Variants in CCDC97 observed in about 807,000 individuals in gnomAD.
CCDC97 encodes coiled-coil domain-containing protein 97.
A neutral mutation model predicts 33.9 loss-of-function variants in CCDC97; 27 were observed. That is an observed-to-expected ratio of 0.80 (90% CI 0.59 to 1.10). CCDC97 has a LOEUF of 1.10. Ranked by LOEUF, CCDC97 falls within the 50% of genes least tolerant of loss-of-function variation. CCDC97 has a pLI of 0.00. For missense variants in CCDC97, 422 were observed against 476.6 expected (o/e 0.89, Z 1.07); for synonymous variants, 217 against 194.0 (o/e 1.12, Z -0.99).
chr19:41,311,631 G>T (rs1369803467), intron 1 of CCDC97, among the ~76,000 whole-genome samples: 2 of 152,080 alleles, frequency 1.3e-5, no homozygotes, highest in Admixed American at 1.3e-4. Context: ...TACTCGGGAG[G>T]CTGAGGCACC....
At position 41,311,668 on chromosome 19, in the gene CCDC97, C is replaced by T. The variant is rs377617949; in HGVS notation, c.46+1312C>T. ...ACTGGAATCACTTGAACCCGGGAGG[C>T]GGAGGTTGCAGTGAGCAGAGATCGC... On this transcript the variant is annotated intron_variant, in intron 1 of 4. Transcript: ENST00000269967. 7.6e-4 allele frequency among the ~76,000 whole-genome samples: 116 copies of T among 151,854 alleles called. 2 individuals carry two copies. The highest frequency in any genetic ancestry group is 3.4e-3 in the Middle Eastern group (1 of 294).
Position 41,322,822 on chromosome 19 carries a change from C to A in CCDC97, c.*107C>A, listed in dbSNP as rs2037838896. On this transcript the variant is annotated 3_prime_UTR_variant, in exon 5 of 5. Coordinates refer to ENST00000269967, the MANE Select transcript of CCDC97 (RefSeq NM_052848.3). Reference sequence around the variant, plus strand: ...TCTAGGGGGACATCAGGGCAGTGCCCCACAACCCACACACACCACCATCTC... The same window carrying A: ...TCTAGGGGGACATCAGGGCAGTGCCACACAACCCACACACACCACCATCTC... 1 of 1,283,038 alleles carries A rather than the reference C, an allele frequency of 7.8e-7. No individual in the cohort carries two copies. The allele number at this position is 1,283,038 out of a possible 1,614,324, so 79.5% of individuals were successfully genotyped here.
chr19:41,317,602 C>T, intron 2 of CCDC97, among the ~76,000 whole-genome samples: 1 of 151,368 alleles, frequency 6.6e-6, no homozygotes, highest in Non-Finnish European at 1.5e-5. Context: ...GCCCTAGCTA[C>T]TCAGAAGGCT....
chr19:41,320,210 C>T, intron 3 of CCDC97, 131 bp from the exon 4 acceptor site: 1 of 1,195,156 alleles, frequency 8.4e-7, no homozygotes, highest in Non-Finnish European at 1.2e-6. Context: ...AGGGCCATCT[C>T]TGTCACTAGT....
intron 1 of CCDC97, 80 bp downstream of exon 1, chr19:41,310,436 G>T: frequency 3.2e-6 from 5 of 1,540,890 alleles, no homozygotes; most frequent in Non-Finnish European, 3.5e-6. Context: ...GGAACGCGAA[G>T]TAGGACTCGT....
In CCDC97 at chr19:41,319,734, C is replaced by T. The variant is rs761668871; in HGVS notation, c.663C>T (p.Ser221=). 2 of 1,613,828 alleles carry T rather than the reference C, an allele frequency of 1.2e-6. No homozygotes were observed. Among genetic ancestry groups the T allele is most frequent in the African/African-American group, 1.3e-5 (1 of 74,938 alleles). ...CCGGGAGACCTGCTTGCCCGCTCTC[C>T]AACTTGCTGCTCCAGTCCTACGAGG... is the stretch of plus-strand genomic sequence containing the variant. ...GSPGRPACPL[S]NLLLQSYEER... Residue 221 remains serine, a synonymous_variant, in exon 3 of 5, where the codon TCC becomes TCT. Coordinates refer to ENST00000269967, the MANE Select transcript of CCDC97 (RefSeq NM_052848.3).
chr19:41,319,747 CAG>C lies in CCDC97; in HGVS notation c.677_678del (p.Gln226LeufsTer32), dbSNP rs758377025. Reference sequence around the variant, plus strand: ...TTGCCCGCTCTCCAACTTGCTGCTCCAGTCCTACGAGGAGCGGGAGCTACAGC... The same window carrying C: ...TTGCCCGCTCTCCAACTTGCTGCTCCTCCTACGAGGAGCGGGAGCTACAGC... ...PACPLSNLLL[Q>X]SYEERELQQR... On this transcript the variant is annotated frameshift_variant, in exon 3 of 5. Transcript: ENST00000269967. LOFTEE classifies it high-confidence loss of function. 1 of 1,613,894 alleles carries C rather than the reference CAG, an allele frequency of 6.2e-7. No homozygotes were observed. Among genetic ancestry groups the C allele is most frequent in the Admixed American group, 1.7e-5 (1 of 60,014 alleles).
intron 2 of CCDC97, among the ~76,000 whole-genome samples, chr19:41,317,721 A>C (rs1442978281): frequency 2.0e-5 from 3 of 151,550 alleles, no homozygotes; most frequent in Non-Finnish European, 2.9e-5. Context: ...AAAAAAAAAA[A>C]AAAAAAACAC....
chr19:41,318,537 A>G (rs747502937), intron 2 of CCDC97, among the ~76,000 whole-genome samples: 4 of 152,198 alleles, frequency 2.6e-5, no homozygotes, highest in Non-Finnish European at 5.9e-5. Context: ...TGAGCAGGAC[A>G]GGGACAGTCA....
Position 41,319,710 on chromosome 19 carries a change from C to G in CCDC97, c.639C>G (p.Pro213=), listed in dbSNP as rs150477178. 4 of 1,613,956 alleles carry G rather than the reference C, an allele frequency of 2.5e-6. No homozygotes were observed. In the Admixed American group the frequency reaches 6.7e-5, roughly 27 times the overall value. ...PTHQPPKPGS[P]GRPACPLSNL... ...ACCAGCCCCCCAAGCCCGGGTCCCC[C>G]GGGAGACCTGCTTGCCCGCTCTCCA... The change falls in exon 3 of 5, where the codon CCC becomes CCG. Residue 213 remains proline (P), a synonymous_variant. Coordinates refer to ENST00000269967, the MANE Select transcript of CCDC97 (RefSeq NM_052848.3).
At chr19:41,320,250 G>T in intron 3 of CCDC97, 91 bp from the exon 4 acceptor site, 1 of 1,553,800 alleles carries the variant, frequency 6.4e-7, no homozygotes, top group South Asian at 1.2e-5. Context: ...GCGCAAGGCT[G>T]GGCACAGGAG....
At chr19:41,319,456 TACAC>T (rs1335515449) in intron 2 of CCDC97, 114 bp from the exon 3 acceptor site, 7 of 763,036 alleles carry the variant, frequency 9.2e-6, no homozygotes, top group Non-Finnish European at 1.5e-5. Context: ...AATGTGTGCA[TACAC>T]ACACTTGGAC....
rs1208585102 is a variant in CCDC97, at chr19:41,323,429, C to T, written c.*714C>T. On this transcript the variant is annotated 3_prime_UTR_variant, in exon 5 of 5. Transcript: ENST00000269967. ...CACTCCAGGCTCTGGGCCCCTTCTT[C>T]CCCCTTCCCTCAAACCTGGCTGCTA... The T allele has an allele frequency of 1.3e-5, 2 of 153,458 alleles. No homozygotes were observed. The highest frequency in any genetic ancestry group is 2.9e-5 in the Non-Finnish European group (2 of 68,918). 9.5% of individuals were successfully genotyped at this position (153,458 alleles called of 1,614,324 possible).
Position 41,323,916 on chromosome 19 carries a change from G to A in CCDC97, c.*1201G>A. The A allele has an allele frequency of 6.5e-6, 1 of 153,096 alleles. No individual in the cohort carries two copies. Among genetic ancestry groups the A allele is most frequent in the Non-Finnish European group, 1.5e-5 (1 of 68,420 alleles). 9.5% of individuals were successfully genotyped at this position (153,096 alleles called of 1,614,324 possible). Reference sequence around the variant, plus strand: ...ACACCCGGCTCCTGCTCCCCCAGCAGACACACACAGGAGGGCCTGGCCACT... The same window carrying A: ...ACACCCGGCTCCTGCTCCCCCAGCAAACACACACAGGAGGGCCTGGCCACT... On this transcript the variant is annotated 3_prime_UTR_variant, in exon 5 of 5. Transcript: ENST00000269967.
chr19:41,319,507 C>A (rs1442715499), intron 2 of CCDC97, 67 bp from the exon 3 acceptor site: 4 of 1,139,108 alleles, frequency 3.5e-6, no homozygotes, highest in Non-Finnish European at 5.1e-6. Flanking sequence ...TGATCACACA[C>A]ATACCCACAT....
At position 41,319,755 on chromosome 19, in the gene CCDC97, C is replaced by T. The variant is rs138340001; in HGVS notation, c.684C>T (p.Tyr228=). 5.6e-4 allele frequency: 911 copies of T among 1,613,756 alleles called. 1 individual carries two copies. The highest frequency in any genetic ancestry group is 5.6e-4 in the Non-Finnish European group (655 of 1,179,850). ...CPLSNLLLQS[Y]EERELQQRLL... ...TCTCCAACTTGCTGCTCCAGTCCTA[C>T]GAGGAGCGGGAGCTACAGCAGCGTC... The change falls in exon 3 of 5, where the codon TAC becomes TAT. Residue 228 remains tyrosine, a synonymous_variant. Transcript: ENST00000269967.
In CCDC97 at chr19:41,316,655, G is replaced by C; in HGVS notation, c.318G>C (p.Val106=). Reference sequence around the variant, plus strand: ...AGCTGTACCACGAGAAGCCACTGGTGTTCCTGGAGCGCTTCCGCACAGGCC... The same window carrying C: ...AGCTGTACCACGAGAAGCCACTGGTCTTCCTGGAGCGCTTCCGCACAGGCC... ...LAQLYHEKPL[V]FLERFRTGLR... Residue 106 remains valine, a synonymous_variant, in exon 2 of 5, where the codon GTG becomes GTC. Transcript: ENST00000269967. 1 of 1,614,200 alleles carries C rather than the reference G, an allele frequency of 6.2e-7. No individual in the cohort carries two copies. Among genetic ancestry groups the C allele is most frequent in the South Asian group, 1.1e-5 (1 of 91,088 alleles).
chr19:41,322,736 G>A lies in CCDC97; in HGVS notation c.*21G>A, dbSNP rs542895800. The A allele has an allele frequency of 1.7e-5, 28 of 1,608,970 alleles. No individual in the cohort carries two copies. The highest frequency in any genetic ancestry group is 7.7e-5 in the South Asian group (7 of 90,650). ...ACTGATGGCCGCCACCCTTCCCACC[G>A]CCTGCCCCATCCCCATCCCCAACAA... On this transcript the variant is annotated 3_prime_UTR_variant, in exon 5 of 5. Coordinates refer to ENST00000269967, the MANE Select transcript of CCDC97 (RefSeq NM_052848.3).
chr19:41,310,729 C>T, intron 1 of CCDC97: 5 of 1,084,852 alleles, frequency 4.6e-6, no homozygotes, highest in Non-Finnish European at 5.6e-6. Flanking sequence ...CTGAGCCTTC[C>T]CTTGCTCTCT....
Sources: gnomAD v4.1 joint callset for allele counts (sites outside exome capture counted in the v4.1 genomes callset) on GRCh38, gnomAD v4.1.1 for gene constraint, MANE v1.5 for transcripts, NCBI Gene and HGNC (gene_info 2026-07-23, HGNC 2026-07-21) for gene names.